The following ZNF605 variants were observed in gnomAD, a reference collection of about 807,000 sequenced individuals.
ZNF605 encodes the protein zinc finger protein 605.
In ZNF605, 9 loss-of-function variants were observed where a neutral mutation model predicts 7.9. That is an observed-to-expected ratio of 1.14 (90% confidence interval 0.68 to 1.98). The LOEUF is 1.98. ZNF605 is among the 30% of genes most tolerant of loss of function. The pLI, the probability that ZNF605 is intolerant of heterozygous loss-of-function variation, is 0.00. For missense variants in ZNF605, 673 were observed against 762.4 expected (o/e 0.88, Z 1.38); for synonymous variants, 255 against 260.1 (o/e 0.98, Z 0.19).
intron 1 of ZNF605, among the ~76,000 whole-genome samples, chr12:132,951,097 TACTC>T (rs1952558769): frequency 6.7e-6 from 1 of 149,046 alleles, no homozygotes; most frequent in African/African-American, 2.5e-5. Flanking sequence ...ACATCACGCA[TACTC>T]ACAGACGTAC....
chr12:132,954,853 TCCA>T (rs1952618815), intron 1 of ZNF605, among the ~76,000 whole-genome samples: 2 of 151,872 alleles, frequency 1.3e-5, no homozygotes, highest in African/African-American at 4.8e-5. Context: ...TTGCAACAGG[TCCA>T]CCATTAACTT....
In ZNF605 at chr12:132,941,898, C is replaced by T. The variant is rs1361925059; in HGVS notation, c.15+3723G>A. Reference sequence around the variant, plus strand: ...CGCACTCTTCTTCTCCAGTTACAGACACCTCAGACTCCACGGGGCACGGTG... The same window carrying T: ...CGCACTCTTCTTCTCCAGTTACAGATACCTCAGACTCCACGGGGCACGGTG... On this transcript the variant is annotated intron_variant, in intron 3 of 4. Coordinates refer to ENST00000360187, the MANE Select transcript of ZNF605 (RefSeq NM_183238.4). This position sits in a 1 kb window ranked among gnomAD's most constrained non-coding sequence, Gnocchi z 5.1. Among the ~76,000 whole-genome samples the T allele has an allele frequency of 6.6e-6, 1 of 152,232 alleles. No homozygotes were observed. Among genetic ancestry groups the T allele is most frequent in the Non-Finnish European group, 1.5e-5 (1 of 68,044 alleles).
chr12:132,946,578 G>A (rs909401089), intron 2 of ZNF605, among the ~76,000 whole-genome samples: 9 of 152,226 alleles, frequency 5.9e-5, no homozygotes, highest in Admixed American at 1.3e-4. Context: ...GGTTTCCAAG[G>A]GGTACCTGAG....
intron 4 of ZNF605, among the ~76,000 whole-genome samples, chr12:132,931,404 T>C (rs1952307964): frequency 6.6e-6 from 1 of 152,194 alleles, no homozygotes; most frequent in South Asian, 2.1e-4. Flanking sequence ...GTTTTAGGAA[T>C]TTCAGATAAT....
chr12:132,932,887 G>C, intron 4 of ZNF605, 148 bp downstream of exon 4: 1 of 1,354,540 alleles, frequency 7.4e-7, no homozygotes, highest in Non-Finnish European at 9.9e-7. Context: ...TATTATAAAG[G>C]CTGCAAAATA....
intron 4 of ZNF605, 76 bp downstream of exon 4, chr12:132,932,959 A>G: frequency 6.7e-7 from 1 of 1,492,866 alleles, no homozygotes; most frequent in African/African-American, 1.4e-5. Flanking sequence ...GACATGTAAA[A>G]CTTACATCCA....
chr12:132,943,229 A>G (rs908164043), intron 3 of ZNF605, among the ~76,000 whole-genome samples: 2 of 151,860 alleles, frequency 1.3e-5, no homozygotes, highest in Non-Finnish European at 2.9e-5. Flanking sequence ...TGGGTGTGGT[A>G]CCGCCTGTAG....
intron 1 of ZNF605, among the ~76,000 whole-genome samples, chr12:132,951,003 T>G (rs1462934890): frequency 7.0e-6 from 1 of 143,810 alleles, no homozygotes; most frequent in East Asian, 2.1e-4. Context: ...CACGCAGACA[T>G]GTACAGACAT....
chr12:132,936,435 T>C (rs1020284170), intron 3 of ZNF605, among the ~76,000 whole-genome samples: 18 of 152,204 alleles, frequency 1.2e-4, no homozygotes, highest in Admixed American at 5.2e-4. Flanking sequence ...GGCACATTTA[T>C]ATTCAAAATA....
Position 132,933,083 on chromosome 12 carries a change from A to C in ZNF605, c.88T>G (p.Leu30Val). The C allele has an allele frequency of 1.2e-6, 2 of 1,611,746 alleles. No individual in the cohort carries two copies. Among genetic ancestry groups the C allele is most frequent in the Non-Finnish European group, 1.7e-6 (2 of 1,178,566 alleles). ...TTCTCCAACATCACATCTCTGTACA[A>C]GTTCTTCTGAGTAGGATTAAGTAGC... Reference protein sequence around the residue: ...WQLLNPTQKNLYRDVMLENYS... With the variant: ...WQLLNPTQKNVYRDVMLENYS... The change falls in exon 4 of 5, where the codon TTG becomes GTG. Residue 30 changes from leucine to valine, a missense_variant. Coordinates refer to ENST00000360187, the MANE Select transcript of ZNF605 (RefSeq NM_183238.4). This position sits in a 1 kb window ranked among gnomAD's most constrained non-coding sequence, Gnocchi z 4.4.
At chr12:132,947,462 G>A (rs978233402) in intron 2 of ZNF605, among the ~76,000 whole-genome samples, 4 of 152,066 alleles carry the variant, frequency 2.6e-5, no homozygotes, top group East Asian at 1.9e-4. Context: ...ATAGGTGTAC[G>A]CCACCATCCC....
At chr12:132,949,581 G>A (rs1309263781) in intron 1 of ZNF605, among the ~76,000 whole-genome samples, 3 of 152,166 alleles carry the variant, frequency 2.0e-5, no homozygotes, top group African/African-American at 7.2e-5. Flanking sequence ...GTATCTGCAG[G>A]GAGCAGGAGG....
chr12:132,918,319 C>A lies in ZNF605; in HGVS notation c.*7054G>T, dbSNP rs553948833. On this transcript the variant is annotated 3_prime_UTR_variant, in exon 5 of 5. Coordinates refer to ENST00000360187, the MANE Select transcript of ZNF605 (RefSeq NM_183238.4). Reference sequence around the variant, plus strand: ...GGGGATACCTGGTTGGAATGGAAACCAGAGTTTATTTGCAAATTGCTCCCA... The same window carrying A: ...GGGGATACCTGGTTGGAATGGAAACAAGAGTTTATTTGCAAATTGCTCCCA... 6.6e-6 allele frequency: 1 copy of A among 152,286 alleles called. No homozygotes were observed. The highest frequency in any genetic ancestry group is 1.5e-5 in the Non-Finnish European group (1 of 68,026). 9.4% of individuals were successfully genotyped at this position (152,286 alleles called of 1,614,324 possible). A position where few individuals can be genotyped will look rare whatever the true frequency, so the allele number is the denominator to read the frequency against.
rs1250830931 is a variant in ZNF605 at position 132,934,115 on chromosome 12, G to GCA, written c.16-962_16-961dup. Among the ~76,000 whole-genome samples, 17 of 133,838 alleles carry GCA rather than the reference G, an allele frequency of 1.3e-4. No homozygotes were observed. In the East Asian group the frequency reaches 3.3e-3, roughly 26 times the overall value. 87.8% of individuals were successfully genotyped at this position (133,838 alleles called of 152,430 possible). A position where few individuals can be genotyped will look rare whatever the true frequency, so the allele number is the denominator to read the frequency against. ...CTATTAAACACACACACACACACATGCACACACACACAAATTAGCTGGGGG... is the reference window on the plus strand; with the variant it reads ...CTATTAAACACACACACACACACATGCACACACACACACAAATTAGCTGGGGG... On this transcript the variant is annotated intron_variant, in intron 3 of 4. Coordinates refer to ENST00000360187, the MANE Select transcript of ZNF605 (RefSeq NM_183238.4).
intron 4 of ZNF605, among the ~76,000 whole-genome samples, chr12:132,928,381 T>C (rs1447960372): frequency 6.6e-6 from 1 of 152,202 alleles, no homozygotes; most frequent in Non-Finnish European, 1.5e-5. Flanking sequence ...AAACTTCCTC[T>C]TGGAATTATC....
At chr12:132,950,455 G>A (rs1000882103) in intron 1 of ZNF605, among the ~76,000 whole-genome samples, 15 of 134,826 alleles carry the variant, frequency 1.1e-4, no homozygotes, top group African/African-American at 5.4e-4. Context: ...GTGCACAGAC[G>A]CACATACAGA....
chr12:132,925,761 G>T lies in ZNF605; in HGVS notation c.1538C>A (p.Ala513Asp), dbSNP rs1479553356. ...AAGAAGCTGTGGCTTCCAGGCAAAA[G>T]CTTTCCTACATTCACTACATTCAAA... is the stretch of plus-strand genomic sequence containing the variant. ...KPFECSECRK[A>D]FAWKPQLLRH... Residue 513 changes from alanine to aspartate, a missense_variant, in exon 5 of 5, where the codon GCT becomes GAT. Transcript: ENST00000360187. 6.2e-7 allele frequency: 1 copy of T among 1,613,830 alleles called. No individual in the cohort carries two copies. The highest frequency in any genetic ancestry group is 8.5e-7 in the Non-Finnish European group (1 of 1,179,916).
chr12:132,938,067 G>A (rs916041014), intron 3 of ZNF605, among the ~76,000 whole-genome samples: 11 of 152,086 alleles, frequency 7.2e-5, no homozygotes, highest in Non-Finnish European at 1.5e-4. Context: ...GGCAAGCCCC[G>A]CCTCCTGGGT....
intron 4 of ZNF605, among the ~76,000 whole-genome samples, chr12:132,930,468 G>C (rs1952297329): frequency 6.6e-6 from 1 of 151,788 alleles, no homozygotes; most frequent in Non-Finnish European, 1.5e-5. Context: ...GTAGGGAACA[G>C]GTTTGTCTTT....
Sources: gnomAD v4.1 joint callset for allele counts (sites outside exome capture counted in the v4.1 genomes callset) on GRCh38, gnomAD v4.1.1 for gene constraint, Gnocchi (gnomAD v3.1) non-coding constraint, MANE v1.5 for transcripts, NCBI Gene and HGNC (gene_info 2026-07-23, HGNC 2026-07-21) for gene names.